Variants in GALNT1 observed in about 807,000 individuals in gnomAD.
The protein encoded by GALNT1 is GalNAc transferase 1.
GALNT1 carries 17 observed loss-of-function variants against 65.7 expected under a neutral mutation model. The observed-to-expected ratio is 0.26, with a 90% CI of 0.18 to 0.39. GALNT1 has a LOEUF of 0.39. Among genes scored for constraint, GALNT1 ranks in the 10% least tolerant of loss-of-function variants. The pLI is 1.00. For missense variants in GALNT1, 460 were observed against 672.8 expected (o/e 0.68, Z 3.50); for synonymous variants, 210 against 219.7 (o/e 0.96, Z 0.39).
intron 9 of GALNT1, among the ~76,000 whole-genome samples, chr18:35,699,226 C>T (rs901986690): frequency 2.6e-5 from 4 of 152,158 alleles, no homozygotes; most frequent in Non-Finnish European, 5.9e-5. Context: ...TGTATCATAT[C>T]AAATTCCCAA....
At chr18:35,634,410 A>G (rs2047062645) in intron 1 of GALNT1, among the ~76,000 whole-genome samples, 1 of 152,140 alleles carries the variant, frequency 6.6e-6, no homozygotes, top group Non-Finnish European at 1.5e-5. Context: ...AGGTTCAGTG[A>G]TTGGCTAGAA....
Position 35,686,915 on chromosome 18 carries a change from G to GA in GALNT1, c.690-95dup, listed in dbSNP as rs1456020194. On this transcript the variant is annotated intron_variant, in intron 5 of 11. Coordinates refer to ENST00000269195, the MANE Select transcript of GALNT1 (RefSeq NM_020474.4). ...AGAGTAGTGATACCCTGTTTCAAGG[G>GA]AAAAAATAAAAAATAAAAACACTTA... The GA allele has an allele frequency of 6.6e-6, 8 of 1,204,484 alleles. No individual in the cohort carries two copies. The Admixed American group carries it at 1.2e-4, about 18-fold the overall frequency. 74.6% of individuals were successfully genotyped at this position (1,204,484 alleles called of 1,614,324 possible).
At chr18:35,632,900 A>G (rs929218823) in intron 1 of GALNT1, among the ~76,000 whole-genome samples, 3 of 152,238 alleles carry the variant, frequency 2.0e-5, no homozygotes, top group East Asian at 1.9e-4. Flanking sequence ...ATGAACAGAC[A>G]CTTCTCAAAA....
chr18:35,644,549 T>C (rs890153684), intron 1 of GALNT1, among the ~76,000 whole-genome samples: 5 of 152,242 alleles, frequency 3.3e-5, no homozygotes, highest in Admixed American at 3.3e-4. Context: ...TTTATATTGC[T>C]ATAAGGTAGG....
intron 2 of GALNT1, among the ~76,000 whole-genome samples, chr18:35,655,236 C>T (rs977450757): frequency 6.6e-6 from 1 of 151,842 alleles, no homozygotes; most frequent in African/African-American, 2.4e-5. Context: ...TAGATGTGAT[C>T]TGTAGAAGTT....
At chr18:35,639,749 T>G (rs2047137534) in intron 1 of GALNT1, among the ~76,000 whole-genome samples, 1 of 152,210 alleles carries the variant, frequency 6.6e-6, no homozygotes, top group African/African-American at 2.4e-5. Flanking sequence ...CTTGTTTGAT[T>G]TGTAGAATTG....
chr18:35,587,144 G>T (rs1206197317), intron 1 of GALNT1, among the ~76,000 whole-genome samples: 10 of 152,040 alleles, frequency 6.6e-5, no homozygotes, highest in Non-Finnish European at 1.5e-4. Context: ...TAATTTTGGT[G>T]TCCATGTACT....
At chr18:35,698,150 C>T (rs554623021) in intron 9 of GALNT1, among the ~76,000 whole-genome samples, 11 of 152,204 alleles carry the variant, frequency 7.2e-5, no homozygotes, top group Non-Finnish European at 1.2e-4. Flanking sequence ...ACCTGCACAT[C>T]TGACGTGTCG....
At chr18:35,608,493 T>C (rs548059858) in intron 1 of GALNT1, among the ~76,000 whole-genome samples, 16 of 152,296 alleles carry the variant, frequency 1.1e-4, no homozygotes, top group African/African-American at 3.6e-4. Flanking sequence ...ACTCAGAATC[T>C]TCTTGTTTGA....
Position 35,635,302 on chromosome 18 carries a change from A to G in GALNT1, c.-103-19258A>G, listed in dbSNP as rs140237471. On this transcript the variant is annotated intron_variant, in intron 1 of 11. Coordinates refer to ENST00000269195, the MANE Select transcript of GALNT1 (RefSeq NM_020474.4). ...CCAGAGTTCTTACAGGGAGCTAGTC[A>G]CATAAGCACATTCCTACCATATGAC... Among the ~76,000 whole-genome samples the G allele has an allele frequency of 4.7e-4, 72 of 152,340 alleles. 1 individual carries two copies. Among genetic ancestry groups the G allele is most frequent in the African/African-American group, 1.5e-3 (62 of 41,582 alleles).
At chr18:35,649,075 A>G (rs771417601) in intron 1 of GALNT1, among the ~76,000 whole-genome samples, 1 of 152,188 alleles carries the variant, frequency 6.6e-6, no homozygotes, top group Non-Finnish European at 1.5e-5. Flanking sequence ...GTGTGCAGAT[A>G]TGTTTTCCTT....
intron 1 of GALNT1, among the ~76,000 whole-genome samples, chr18:35,636,792 T>TG (rs1454506659): frequency 2.0e-5 from 3 of 146,556 alleles, no homozygotes; most frequent in Middle Eastern, 3.5e-3. Context: ...TGTTTTTTTT[T>TG]TTTTTTTTTT....
intron 2 of GALNT1, among the ~76,000 whole-genome samples, chr18:35,660,298 A>G (rs774199654): frequency 1.3e-5 from 2 of 152,292 alleles, no homozygotes; most frequent in East Asian, 1.9e-4. Flanking sequence ...AGTGTATTCA[A>G]AGGCATGCCA....
chr18:35,629,020 A>C (rs1391160666), intron 1 of GALNT1, among the ~76,000 whole-genome samples: 1 of 152,224 alleles, frequency 6.6e-6, no homozygotes, highest in Admixed American at 6.5e-5. Context: ...TTGGAGAAAA[A>C]AGAATAAAAA....
At chr18:35,595,179 A>T (rs771512705) in intron 1 of GALNT1, among the ~76,000 whole-genome samples, 3 of 152,190 alleles carry the variant, frequency 2.0e-5, no homozygotes, top group African/African-American at 4.8e-5. Context: ...CATGTAAAAT[A>T]CTCTTAATAT....
intron 1 of GALNT1, among the ~76,000 whole-genome samples, chr18:35,625,646 G>GA (rs1441539476): frequency 6.6e-6 from 1 of 152,162 alleles, no homozygotes; most frequent in Non-Finnish European, 1.5e-5. Flanking sequence ...AAAACATGTA[G>GA]AAAATCTTAG....
intron 3 of GALNT1, among the ~76,000 whole-genome samples, chr18:35,668,619 A>G (rs972654739): frequency 2.6e-5 from 4 of 152,150 alleles, no homozygotes; most frequent in African/African-American, 9.7e-5. Context: ...GTCCGGTGGC[A>G]GGGGAGAAAT....
intron 1 of GALNT1, among the ~76,000 whole-genome samples, chr18:35,615,025 C>T (rs1387163917): frequency 2.0e-5 from 3 of 152,002 alleles, no homozygotes; most frequent in Non-Finnish European, 2.9e-5. Flanking sequence ...ATCAATTAAT[C>T]TGTCTTTAAT....
At chr18:35,622,761 A>T (rs1384075185) in intron 1 of GALNT1, among the ~76,000 whole-genome samples, 1 of 151,550 alleles carries the variant, frequency 6.6e-6, no homozygotes, top group Admixed American at 6.6e-5. Context: ...TCTCTAGTAC[A>T]TTGTTGACAG....
Sources: gnomAD v4.1 joint callset for allele counts (sites outside exome capture counted in the v4.1 genomes callset) on GRCh38, gnomAD v4.1.1 for gene constraint, MANE v1.5 for transcripts, NCBI Gene and HGNC (gene_info 2026-07-23, HGNC 2026-07-21) for gene names.